The following TMC5 variants were observed in gnomAD, a reference collection of about 807,000 sequenced individuals.
The protein encoded by TMC5 is transmembrane channel like 5.
TMC5 carries 86 observed loss-of-function variants against 110.5 expected under a neutral mutation model. The observed-to-expected ratio is 0.78, with a 90% CI of 0.65 to 0.93. The LOEUF (loss-of-function observed/expected upper bound fraction) is 0.93, where lower values mean the gene tolerates loss of function less well. TMC5 is among the 40% of genes least tolerant of loss of function. The pLI is 0.00. For missense variants in TMC5, 1,144 were observed against 1,222.8 expected (o/e 0.94, Z 0.96); for synonymous variants, 455 against 439.5 (o/e 1.04, Z -0.44).
intron 2 of TMC5, among the ~76,000 whole-genome samples, chr16:19,431,094 T>C (rs1301406505): frequency 6.6e-6 from 1 of 152,232 alleles, no homozygotes; most frequent in Non-Finnish European, 1.5e-5. Flanking sequence ...TAAAAACTTC[T>C]GTAGAATCAT....
At position 19,440,508 on chromosome 16, in the gene TMC5, G is replaced by C. The variant is rs1474468030; in HGVS notation, c.470G>C (p.Gly157Ala). The change falls in exon 3 of 22, where the codon GGC (glycine) becomes GCC (alanine). Residue 157 changes from glycine (G) to alanine (A), a missense_variant. Gly to Ala is a moderately conservative substitution (Grantham distance 60). Transcript: ENST00000542583. ...AGSRTHPDHF[G>A]SLEPDYPGAQ... ...TCCAGAACACATCCAGATCATTTTGGCTCCTTAGAACCGGACTACCCTGGA... is the reference window on the plus strand; with the variant it reads ...TCCAGAACACATCCAGATCATTTTGCCTCCTTAGAACCGGACTACCCTGGA... 6.2e-7 allele frequency: 1 copy of C among 1,614,098 alleles called. No individual in the cohort carries two copies. Among genetic ancestry groups the C allele is most frequent in the East Asian group, 2.2e-5 (1 of 44,876 alleles).
chr16:19,471,917 C>T (rs184609212), intron 10 of TMC5, among the ~76,000 whole-genome samples, 171 bp from the exon 11 acceptor site: 3 of 152,238 alleles, frequency 2.0e-5, no homozygotes, highest in East Asian at 3.9e-4. Flanking sequence ...TGCACCACCA[C>T]GCCCGGCTAA....
chr16:19,439,940 C>A lies in TMC5; in HGVS notation c.-79-20C>A, dbSNP rs771866948. ...GAAAGGGAAAAAAATCTGACTTTTT[C>A]TTTTCTTCTTGTTTTTCAGGTGAAA... On this transcript the variant is annotated intron_variant, in intron 2 of 21. Coordinates refer to ENST00000542583, the MANE Select transcript of TMC5 (RefSeq NM_001261841.2). The A allele has an allele frequency of 1.0e-5, 11 of 1,079,752 alleles. No individual in the cohort carries two copies. Among genetic ancestry groups the A allele is most frequent in the Non-Finnish European group, 1.5e-5 (11 of 742,508 alleles). 66.9% of individuals were successfully genotyped at this position (1,079,752 alleles called of 1,614,324 possible). A position where few individuals can be genotyped will look rare whatever the true frequency, so the allele number is the denominator to read the frequency against.
At chr16:19,424,456 G>C (rs1967049201) in intron 1 of TMC5, among the ~76,000 whole-genome samples, 2 of 152,122 alleles carry the variant, frequency 1.3e-5, no homozygotes, top group Admixed American at 6.5e-5. Flanking sequence ...TTCGAGACCA[G>C]CCTGGGCAAC....
chr16:19,438,372 G>T (rs1967393621), intron 2 of TMC5, among the ~76,000 whole-genome samples: 1 of 107,260 alleles, frequency 9.3e-6, no homozygotes, highest in Non-Finnish European at 1.8e-5. Flanking sequence ...CAGCCTGGGT[G>T]ACAGAGTGAC....
upstream of TMC5, among the ~76,000 whole-genome samples, chr16:19,417,094 CAA>C (rs60613963): frequency 1.6e-4 from 11 of 69,172 alleles, no homozygotes; most frequent in Admixed American, 4.4e-4. Context: ...ACTCAGTCTT[CAA>C]AAAAAAAAAA....
rs764425171 is a variant in TMC5 at position 19,481,445 on chromosome 16, C to T, written c.2343C>T (p.Ile781=). ...FDIARNVLEL[I]YAQTLVWIGI... ...TTGCCAGGAACGTTCTAGAACTGAT[C>T]TATGCACAAACTCTGGTGTGGTAAG... The change falls in exon 15 of 22, where the codon ATC becomes ATT. Residue 781 remains isoleucine, a synonymous_variant. Coordinates refer to ENST00000542583, the MANE Select transcript of TMC5 (RefSeq NM_001261841.2). 1 of 1,613,692 alleles carries T rather than the reference C, an allele frequency of 6.2e-7. No homozygotes were observed. Among genetic ancestry groups the T allele is most frequent in the Non-Finnish European group, 8.5e-7 (1 of 1,179,594 alleles).
chr16:19,462,870 C>G (rs1968060889), intron 6 of TMC5, among the ~76,000 whole-genome samples: 1 of 150,646 alleles, frequency 6.6e-6, no homozygotes, highest in Admixed American at 6.6e-5. Context: ...TGCACTCCAG[C>G]CTGGGTGACA....
intron 5 of TMC5, chr16:19,456,532 G>T: frequency 7.1e-7 from 1 of 1,411,850 alleles, no homozygotes. Context: ...TGTGATTTGT[G>T]TAGGGGTGGC....
intron 18 of TMC5, among the ~76,000 whole-genome samples, 196 bp downstream of exon 18, chr16:19,490,764 C>CCTTCCTT (rs1567327777): frequency 2.3e-4 from 8 of 35,014 alleles, no homozygotes; most frequent in African/African-American, 5.6e-4. Context: ...CCTTCCTTCC[C>CCTTCCTT]TTCCTTTTTT....
upstream of TMC5, among the ~76,000 whole-genome samples, chr16:19,416,285 C>T (rs1966877111): frequency 1.3e-5 from 2 of 151,692 alleles, no homozygotes; most frequent in African/African-American, 4.8e-5. Flanking sequence ...AATGATACTC[C>T]CCCAAATGCA....
chr16:19,486,182 C>T (rs1348294250), intron 15 of TMC5, among the ~76,000 whole-genome samples: 1 of 152,154 alleles, frequency 6.6e-6, no homozygotes, highest in Non-Finnish European at 1.5e-5. Flanking sequence ...CACTGAGTGC[C>T]TTAAACAACA....
intron 5 of TMC5, chr16:19,456,677 G>T: frequency 6.3e-7 from 1 of 1,587,894 alleles, no homozygotes. Context: ...GCCCACCCCA[G>T]TGGAGAAGAA....
chr16:19,487,438 A>G, intron 17 of TMC5, 112 bp downstream of exon 17: 1 of 1,389,524 alleles, frequency 7.2e-7, no homozygotes, highest in Non-Finnish European at 9.6e-7. Context: ...GCAGTGGCTC[A>G]CGCCTGTGAT....
intron 1 of TMC5, among the ~76,000 whole-genome samples, chr16:19,425,115 G>A (rs1967063300): frequency 6.6e-6 from 1 of 152,132 alleles, no homozygotes; most frequent in African/African-American, 2.4e-5. Flanking sequence ...CGTTTTAGGA[G>A]CCTGTGCCGG....
intron 2 of TMC5, among the ~76,000 whole-genome samples, chr16:19,434,491 GATAT>G (rs1555480121): frequency 1.3e-5 from 1 of 76,340 alleles, no homozygotes; most frequent in African/African-American, 5.7e-5. Flanking sequence ...TAGATAGATA[GATAT>G]AGAGAGAGAG....
At chr16:19,443,275 C>T (rs1352793374) in intron 3 of TMC5, among the ~76,000 whole-genome samples, 1 of 152,186 alleles carries the variant, frequency 6.6e-6, no homozygotes, top group Non-Finnish European at 1.5e-5. Flanking sequence ...AGAATCATTA[C>T]TCATCAGTTG....
chr16:19,421,503 G>T (rs918334396), intron 1 of TMC5, among the ~76,000 whole-genome samples: 3 of 152,120 alleles, frequency 2.0e-5, no homozygotes, highest in Admixed American at 1.3e-4. Context: ...CCATGATTGT[G>T]AGACCTCCCC....
At position 19,463,885 on chromosome 16, in the gene TMC5, A is replaced by G. The variant is rs1262834577; in HGVS notation, c.1346A>G (p.Tyr449Cys). The change falls in exon 8 of 22, where the codon TAT becomes TGT. Residue 449 changes from tyrosine (Y) to cysteine (C), a missense_variant. By Grantham distance (194) the Tyr-to-Cys change is radical. Transcript: ENST00000542583. ...AAGTTTGGAACCAGCGTCCTCTCCT[A>G]TTTCAACTTTCTGAGATGGCTTTTG... ...GGKFGTSVLS[Y>C]FNFLRWLLKF... 21 of 1,614,050 alleles carry G rather than the reference A, an allele frequency of 1.3e-5. No individual in the cohort carries two copies. The highest frequency in any genetic ancestry group is 1.7e-5 in the Non-Finnish European group (20 of 1,180,044).
Sources: gnomAD v4.1 joint callset for allele counts (sites outside exome capture counted in the v4.1 genomes callset) on GRCh38, gnomAD v4.1.1 for gene constraint, MANE v1.5 for transcripts, NCBI Gene and HGNC (gene_info 2026-07-23, HGNC 2026-07-21) for gene names.